THADA: variants seen among roughly 807,000 people sequenced by gnomAD.
THADA encodes tRNA (32-2'-O)-methyltransferase regulator THADA.
In THADA, 213 loss-of-function variants were observed where a neutral mutation model predicts 219.8. The observed-to-expected ratio is 0.97, with a 90% confidence interval of 0.87 to 1.09. The LOEUF is 1.09. Ranked by LOEUF, THADA falls within the 50% of genes least tolerant of loss-of-function variation. The probability of loss-of-function intolerance (pLI) is 0.00; values close to 1 mark genes in which losing one functional copy is unlikely to be tolerated. For synonymous variants in THADA, 1,018 were observed against 828.9 expected, an observed-to-expected ratio of 1.23 and a Z score of -3.92; for missense variants, 2,956 against 2,311.3, an observed-to-expected ratio of 1.28 and a Z score of -5.72.
Position 43,292,227 on chromosome 2 carries a change from G to A in THADA, c.4819-5C>T. The stretch of plus-strand genomic sequence containing the variant: ...GCAGTGGAGAATTTTCAGTATCTGT[G>A]TAAGCCAAATCCGCACACAAAAAAG... On this transcript the variant is annotated splice_polypyrimidine_tract_variant and splice_region_variant and intron_variant, in intron 32 of 37. Transcript: ENST00000405975. The A allele has an allele frequency of 1.9e-6, 3 of 1,573,156 alleles. No homozygotes were observed. Among genetic ancestry groups the A allele is most frequent in the Non-Finnish European group, 1.7e-6 (2 of 1,155,562 alleles).
intron 20 of THADA, among the ~76,000 whole-genome samples, chr2:43,541,805 T>C (rs1414646220): frequency 1.3e-5 from 2 of 152,196 alleles, no homozygotes; most frequent in Admixed American, 6.5e-5. Flanking sequence ...AGTATTTTAA[T>C]TTATTATTTT....
At chr2:43,588,945 T>C (rs1215830546) in intron 4 of THADA, among the ~76,000 whole-genome samples, 1 of 152,180 alleles carries the variant, frequency 6.6e-6, no homozygotes, top group Non-Finnish European at 1.5e-5. Flanking sequence ...TATAGATACA[T>C]ACATGTCATA....
chr2:43,322,252 C>T (rs1439358190), intron 30 of THADA, among the ~76,000 whole-genome samples: 1 of 151,940 alleles, frequency 6.6e-6, no homozygotes, highest in African/African-American at 2.4e-5. Context: ...GTCTGTAATC[C>T]CAGCACTTTG....
chr2:43,460,217 T>C (rs1257227377), intron 26 of THADA, among the ~76,000 whole-genome samples: 4 of 130,692 alleles, frequency 3.1e-5, no homozygotes, highest in Non-Finnish European at 6.3e-5. Flanking sequence ...AAAAGGATCT[T>C]AGAAACAAGC....
chr2:43,500,353 A>G (rs1355195092), intron 24 of THADA, among the ~76,000 whole-genome samples: 3 of 152,172 alleles, frequency 2.0e-5, no homozygotes. Context: ...ACTTTGTGAA[A>G]CTGTACTGAG....
At chr2:43,455,518 T>A (rs981499066) in intron 26 of THADA, among the ~76,000 whole-genome samples, 31 of 149,130 alleles carry the variant, frequency 2.1e-4, no homozygotes, top group Admixed American at 7.3e-4. Flanking sequence ...TCTCTCTCTC[T>A]CACACACACA....
chr2:43,473,356 C>T (rs905139607), intron 26 of THADA, among the ~76,000 whole-genome samples: 1 of 152,082 alleles, frequency 6.6e-6, no homozygotes, highest in African/African-American at 2.4e-5. Flanking sequence ...TCATCAATAT[C>T]CCACCTCTAC....
chr2:43,278,257 C>G (rs934573512), intron 36 of THADA, among the ~76,000 whole-genome samples: 16 of 152,018 alleles, frequency 1.1e-4, no homozygotes, highest in African/African-American at 3.1e-4. Context: ...TGGCCTAAAA[C>G]AAGACAATAT....
intron 22 of THADA, among the ~76,000 whole-genome samples, chr2:43,513,648 T>C (rs910515463): frequency 5.3e-5 from 8 of 152,024 alleles, no homozygotes; most frequent in African/African-American, 1.4e-4. Context: ...AAAATACCAC[T>C]ACCTAATCTA....
At chr2:43,239,682 C>T (rs1227380387) in intron 36 of THADA, among the ~76,000 whole-genome samples, 1 of 152,224 alleles carries the variant, frequency 6.6e-6, no homozygotes, top group Admixed American at 6.5e-5. Context: ...GCCTTCTAGT[C>T]CTTCTCAAGA....
At chr2:43,469,002 T>C (rs1484700280) in intron 26 of THADA, among the ~76,000 whole-genome samples, 2 of 152,180 alleles carry the variant, frequency 1.3e-5, no homozygotes, top group Non-Finnish European at 2.9e-5. Context: ...GCCTACCTAC[T>C]ATATTAGGCA....
At chr2:43,232,453 C>T (rs1667551336) in intron 37 of THADA, among the ~76,000 whole-genome samples, 1 of 152,190 alleles carries the variant, frequency 6.6e-6, no homozygotes, top group Non-Finnish European at 1.5e-5. Flanking sequence ...GCTGGGATTA[C>T]AAGCATGAGC....
chr2:43,575,436 A>C (rs1418101810), intron 10 of THADA, among the ~76,000 whole-genome samples: 1 of 152,238 alleles, frequency 6.6e-6, no homozygotes, highest in Non-Finnish European at 1.5e-5. Flanking sequence ...TGACAAAGCG[A>C]GACTTTGTCT....
At chr2:43,518,143 T>C (rs922328959) in intron 22 of THADA, among the ~76,000 whole-genome samples, 1 of 152,206 alleles carries the variant, frequency 6.6e-6, no homozygotes, top group African/African-American at 2.4e-5. Context: ...GTTATTTCTC[T>C]ATTCCCAGCA....
At chr2:43,331,779 C>G (rs898282143) in intron 30 of THADA, among the ~76,000 whole-genome samples, 5 of 152,172 alleles carry the variant, frequency 3.3e-5, no homozygotes, top group Admixed American at 2.0e-4. Context: ...TAAGGCCTTC[C>G]TTGACTATCT....
intron 26 of THADA, among the ~76,000 whole-genome samples, chr2:43,465,184 A>C (rs974664061): frequency 6.6e-6 from 1 of 152,220 alleles, no homozygotes; most frequent in East Asian, 1.9e-4. Flanking sequence ...TATTTATCCA[A>C]ATGAAAATGG....
At chr2:43,319,540 T>G (rs1678453082) in intron 31 of THADA, among the ~76,000 whole-genome samples, 1 of 152,154 alleles carries the variant, frequency 6.6e-6, no homozygotes, top group Non-Finnish European at 1.5e-5. Context: ...TGCAAAGCAT[T>G]TTAAATTGGT....
intron 15 of THADA, chr2:43,566,424 G>A (rs1385549979): frequency 1.4e-6 from 1 of 701,720 alleles, no homozygotes; most frequent in Non-Finnish European, 2.6e-6. Context: ...AAACAAATTA[G>A]TGAGGTAATA....
At chr2:43,443,166 TTAAGATACTGAGTATAA>T (rs1681059964) in intron 26 of THADA, among the ~76,000 whole-genome samples, 1 of 152,160 alleles carries the variant, frequency 6.6e-6, no homozygotes, top group African/African-American at 2.4e-5. Flanking sequence ...TCCACAATAT[TTAAGATACTGAGTATAA>T]TGCCCAGTTT....
Sources: gnomAD v4.1 joint callset for allele counts (sites outside exome capture counted in the v4.1 genomes callset) on GRCh38, gnomAD v4.1.1 for gene constraint, MANE v1.5 for transcripts, NCBI Gene and HGNC (gene_info 2026-07-23, HGNC 2026-07-21) for gene names.